Variants in HAUS7 observed in about 807,000 individuals in gnomAD.
HAUS7 encodes the protein HAUS augmin like complex subunit 7, also known as HAUS augmin-like complex subunit 7.
HAUS7 carries 3 observed loss-of-function variants against 28.4 expected under a neutral mutation model. That is an observed-to-expected ratio of 0.11 (90% CI 0.05 to 0.27). The LOEUF (loss-of-function observed/expected upper bound fraction) is 0.27. HAUS7 is among the 10% of genes least tolerant of loss of function. The pLI, the probability that HAUS7 is intolerant of heterozygous loss-of-function variation, is 1.00. For synonymous variants in HAUS7, 165 were observed against 132.1 expected (o/e 1.25, Z -1.71); for missense variants, 284 against 297.3 (o/e 0.96, Z 0.33).
chrX:153,457,143 C>T lies in HAUS7; in HGVS notation c.440G>A (p.Cys147Tyr), dbSNP rs781796940. 1 of 1,177,560 alleles carries T rather than the reference C, an allele frequency of 8.5e-7. No individual in the cohort carries two copies. Among genetic ancestry groups the T allele is most frequent in the East Asian group, 3.0e-5 (1 of 33,726 alleles). ...GGGCCATCCACACCTTTACCTCGAGCAACTGGAGCACCCAATGGTCAGGCT... is the reference window on the plus strand; with the variant it reads ...GGGCCATCCACACCTTTACCTCGAGTAACTGGAGCACCCAATGGTCAGGCT... ...IRSLTIGCSS[C>Y]SSLMEHFEDT... Residue 147 changes from cysteine (C) to tyrosine (Y), a missense_variant, in exon 5 of 10, where the codon TGC (cysteine) becomes TAC (tyrosine). Physicochemically the swap from Cys to Tyr is radical, Grantham distance 194. Transcript: ENST00000370211.
At chrX:153,472,442 ACCACCTG>A (rs1216141182), upstream of HAUS7, among the ~76,000 whole-genome samples, 24 of 11,762 alleles carry the variant, frequency 2.0e-3, no homozygotes, top group South Asian at 0.026. Flanking sequence ...CCCACCACCC[ACCACCTG>A]CCACCCACCA....
chrX:153,450,699 C>T (rs2089228652), intron 9 of HAUS7, among the ~76,000 whole-genome samples: 1 of 112,664 alleles, frequency 8.9e-6, no homozygotes, highest in African/African-American at 3.2e-5. Context: ...CCTCCCAACT[C>T]ACATGAGGCC....
chrX:153,491,556 C>T (rs2089671192), intron 1 of HAUS7, among the ~76,000 whole-genome samples: 1 of 112,917 alleles, frequency 8.9e-6, no homozygotes, highest in South Asian at 3.6e-4. Context: ...CCCATCCTTC[C>T]GTCCCATGGC....
chrX:153,472,899 C>T (rs1421790448), upstream of HAUS7, among the ~76,000 whole-genome samples: 2 of 97,029 alleles, frequency 2.1e-5, no homozygotes, highest in East Asian at 3.1e-4. Context: ...GTGGATGTGG[C>T]GGGGAAGCTG....
At chrX:153,478,876 C>T (rs1308496667) in intron 1 of HAUS7, among the ~76,000 whole-genome samples, 4 of 112,578 alleles carry the variant, frequency 3.6e-5, no homozygotes, top group Non-Finnish European at 7.5e-5. Flanking sequence ...CTGCGGTGGC[C>T]GACCCGCTCT....
In HAUS7 at chrX:153,469,166, G is replaced by A. The variant is rs1556984759; in HGVS notation, c.204C>T (p.Ile68=). The A allele has an allele frequency of 8.6e-7, 1 of 1,163,165 alleles. No individual in the cohort carries two copies. Among genetic ancestry groups the A allele is most frequent in the South Asian group, 1.8e-5 (1 of 55,920 alleles). The change falls in exon 2 of 10, where the codon ATC becomes ATT. Residue 68 remains isoleucine (I), a synonymous_variant. Transcript: ENST00000370211. ...LCSPSEYRLE[I]LEWMCTRVWP... The stretch of plus-strand genomic sequence containing the variant: ...ATTACCGGGTACACATCCACTCTAG[G>A]ATCTCCAAGCGGTACTCTGAGGGGC...
At chrX:153,485,794 C>G (rs1569531749) in intron 1 of HAUS7, 1 of 900,596 alleles carries the variant, frequency 1.1e-6, no homozygotes, top group East Asian at 8.7e-5. Context: ...TTGACCTGTC[C>G]TACAACCGGC....
intron 9 of HAUS7, among the ~76,000 whole-genome samples, chrX:153,449,131 G>A (rs1556980670): frequency 8.9e-6 from 1 of 112,197 alleles, no homozygotes; most frequent in Non-Finnish European, 1.9e-5. Context: ...CCAGCAGACA[G>A]AGGAGGACAC....
At chrX:153,483,827 T>A (rs1381084796) in intron 1 of HAUS7, among the ~76,000 whole-genome samples, 1 of 111,490 alleles carries the variant, frequency 9.0e-6, no homozygotes, top group East Asian at 2.8e-4. Flanking sequence ...GCCACGGGCC[T>A]GGATGGAGGG....
chrX:153,483,086 G>C (rs1018250427), intron 1 of HAUS7, among the ~76,000 whole-genome samples: 1 of 112,911 alleles, frequency 8.9e-6, no homozygotes, highest in African/African-American at 3.2e-5. Flanking sequence ...TCTGAGTAAG[G>C]CCCATACCCT....
At chrX:153,488,434 G>T (rs1556989000) in intron 1 of HAUS7, among the ~76,000 whole-genome samples, 1 of 112,919 alleles carries the variant, frequency 8.9e-6, no homozygotes, top group Non-Finnish European at 1.9e-5. Flanking sequence ...GTCTCGCCTT[G>T]CTCCCATTCC....
chrX:153,492,815 C>T (rs782413834), intron 1 of HAUS7, among the ~76,000 whole-genome samples: 71 of 111,487 alleles, frequency 6.4e-4, no homozygotes, highest in African/African-American at 2.0e-3. Context: ...CTCCAGGTAG[C>T]CCTCCCGAGC....
chrX:153,472,102 G>A (rs1175340572), upstream of HAUS7, among the ~76,000 whole-genome samples: 1 of 111,456 alleles, frequency 9.0e-6, no homozygotes, highest in Admixed American at 9.5e-5. Context: ...AACCACGGCA[G>A]TGTGGCAGCC....
chrX:153,471,071 G>C (rs1416380981), upstream of HAUS7: 3 of 314,013 alleles, frequency 9.6e-6, no homozygotes, highest in African/African-American at 8.0e-5. Flanking sequence ...GGGGAGCCTT[G>C]GGTGCAGAAT....
At chrX:153,470,767 G>T, upstream of HAUS7, 1 of 512,676 alleles carries the variant, frequency 2.0e-6, no homozygotes, top group Non-Finnish European at 3.2e-6. Flanking sequence ...ACAGTGAAGC[G>T]GGCAGGGCGG....
In HAUS7 at chrX:153,455,557, C is replaced by T; in HGVS notation, c.915G>A (p.Leu305=). Residue 305 remains leucine, a synonymous_variant, in exon 8 of 10, where the codon CTG becomes CTA. Coordinates refer to ENST00000370211, the MANE Select transcript of HAUS7 (RefSeq NM_001385482.1). Reference sequence around the variant, plus strand: ...GCACCCTTACTTGGCTGTAGGAAGTCAGATTCTGGTGCGTGGCCTGGATGA... The same window carrying T: ...GCACCCTTACTTGGCTGTAGGAAGTTAGATTCTGGTGCGTGGCCTGGATGA... The part of the protein sequence containing the change: ...GPIIQATHQN[L]TSYSQLLQVV... 8.3e-7 allele frequency: 1 copy of T among 1,200,499 alleles called. No individual in the cohort carries two copies.
chrX:153,482,042 C>T (rs1298199835), intron 1 of HAUS7: 5 of 318,126 alleles, frequency 1.6e-5, no homozygotes, highest in Non-Finnish European at 2.1e-5. Context: ...GGGGGTAAGG[C>T]CTGGAGGAGG....
chrX:153,486,791 G>A (rs1036231862), intron 1 of HAUS7: 42 of 980,704 alleles, frequency 4.3e-5, no homozygotes, highest in Admixed American at 3.3e-4. Context: ...CCCCAGCGGC[G>A]GGGGGAGGAG....
intron 9 of HAUS7, among the ~76,000 whole-genome samples, chrX:153,450,625 G>C (rs182151337): frequency 8.9e-6 from 1 of 112,716 alleles, no homozygotes; most frequent in African/African-American, 3.2e-5. Context: ...TTTCATGGCA[G>C]TGAGGTTTCA....
Sources: gnomAD v4.1 joint callset for allele counts (sites outside exome capture counted in the v4.1 genomes callset) on GRCh38, gnomAD v4.1.1 for gene constraint, MANE v1.5 for transcripts, NCBI Gene and HGNC (gene_info 2026-07-23, HGNC 2026-07-21) for gene names.